STK32B: variants seen among roughly 807,000 people sequenced by gnomAD.
STK32B encodes serine/threonine kinase 32B.
In STK32B, 43 loss-of-function variants were observed where a neutral mutation model predicts 52.6. That is an observed-to-expected ratio of 0.82 (90% confidence interval 0.64 to 1.05). STK32B has a LOEUF of 1.05. Ranked by LOEUF, STK32B falls within the 50% of genes least tolerant of loss-of-function variation. The pLI, the probability that STK32B is intolerant of heterozygous loss-of-function variation, is 0.00. For synonymous variants in STK32B, 238 were observed against 204.3 expected (o/e 1.17, Z -1.41); for missense variants, 621 against 534.6 (o/e 1.16, Z -1.59).
At chr4:5,240,184 T>A (rs1273695923) in intron 3 of STK32B, among the ~76,000 whole-genome samples, 1 of 152,146 alleles carries the variant, frequency 6.6e-6, no homozygotes, top group Non-Finnish European at 1.5e-5. Context: ...TCATGGAATT[T>A]TTTTACTCAT....
At chr4:5,491,144 A>G (rs899119128) in intron 11 of STK32B, among the ~76,000 whole-genome samples, 4 of 152,196 alleles carry the variant, frequency 2.6e-5, no homozygotes, top group African/African-American at 9.7e-5. Context: ...CTGAAGAATC[A>G]CCACACTGAC....
rs1716147048 is a variant in STK32B, at chr4:5,453,040, C to G, written c.667-3767C>G. ...GAACCTACGTTTCTCTACAACCACT[C>G]AAACAGATGACGGCTGAACCTGGTG... On this transcript the variant is annotated intron_variant, in intron 7 of 11. Transcript: ENST00000282908. This position sits in a 1 kb window ranked among gnomAD's most constrained non-coding sequence, Gnocchi z 4.0. Among the ~76,000 whole-genome samples, 1 of 152,110 alleles carries G rather than the reference C, an allele frequency of 6.6e-6. No individual in the cohort carries two copies. The highest frequency in any genetic ancestry group is 1.5e-5 in the Non-Finnish European group (1 of 68,018).
intron 1 of STK32B, among the ~76,000 whole-genome samples, chr4:5,134,498 G>A (rs569243698): frequency 1.3e-5 from 2 of 152,112 alleles, no homozygotes; most frequent in Non-Finnish European, 2.9e-5. Context: ...GGACTTCTTA[G>A]CCTCCAGAAC....
chr4:5,491,235 G>A (rs371718150), intron 11 of STK32B, among the ~76,000 whole-genome samples: 1 of 152,174 alleles, frequency 6.6e-6, no homozygotes, highest in South Asian at 2.1e-4. Context: ...TCCAGCACCT[G>A]TTGTTTCCTG....
intron 4 of STK32B, among the ~76,000 whole-genome samples, chr4:5,331,982 T>C (rs1035832469): frequency 2.8e-4 from 42 of 152,180 alleles, no homozygotes; most frequent in African/African-American, 9.9e-4. Flanking sequence ...AAAGTGATTG[T>C]ATCATTCATA....
intron 4 of STK32B, among the ~76,000 whole-genome samples, chr4:5,376,168 A>G (rs1281927102): frequency 6.6e-6 from 1 of 152,112 alleles, no homozygotes; most frequent in African/African-American, 2.4e-5. Flanking sequence ...GAGCCCAAAA[A>G]TCAGAGTTCC....
chr4:5,438,358 A>T (rs1330644539), intron 6 of STK32B, among the ~76,000 whole-genome samples: 1 of 152,210 alleles, frequency 6.6e-6, no homozygotes, highest in Non-Finnish European at 1.5e-5. Context: ...CACTCATCCG[A>T]TGCTTAATGA....
chr4:5,088,906 T>G (rs1400335296), intron 1 of STK32B, among the ~76,000 whole-genome samples: 1 of 150,918 alleles, frequency 6.6e-6, no homozygotes, highest in Non-Finnish European at 1.5e-5. Context: ...AAGAACAAAC[T>G]AAATCCAACA....
chr4:5,179,867 G>T (rs1428857645), intron 3 of STK32B, among the ~76,000 whole-genome samples: 2 of 152,192 alleles, frequency 1.3e-5, no homozygotes, highest in East Asian at 1.9e-4. Flanking sequence ...TCAGAGCCAC[G>T]AGTCACATTG....
chr4:5,345,820 G>C (rs1733418625), intron 4 of STK32B, among the ~76,000 whole-genome samples: 1 of 152,194 alleles, frequency 6.6e-6, no homozygotes, highest in African/African-American at 2.4e-5. Flanking sequence ...ACGTCACATG[G>C]ATGACTCTCA....
chr4:5,313,242 G>A (rs1730433630), intron 3 of STK32B, among the ~76,000 whole-genome samples: 1 of 151,866 alleles, frequency 6.6e-6, no homozygotes, highest in South Asian at 2.1e-4. Context: ...TTTTAAGGCA[G>A]TCAATGTAAT....
rs766288053 is a variant in STK32B, at chr4:5,139,969, A to G, written c.108+9A>G. ...AAGGGAGTTTTGGAAAGGTAAGAAT[A>G]TAAATGTCTGGACCACTGGGCTTAA... On this transcript the variant is annotated intron_variant, in intron 2 of 11. Coordinates refer to ENST00000282908, the MANE Select transcript of STK32B (RefSeq NM_018401.3). The G allele has an allele frequency of 3.1e-6, 5 of 1,614,078 alleles. No homozygotes were observed. The highest frequency in any genetic ancestry group is 4.2e-6 in the Non-Finnish European group (5 of 1,180,032).
chr4:5,477,405 G>A (rs1443174811), intron 11 of STK32B, among the ~76,000 whole-genome samples: 1 of 152,104 alleles, frequency 6.6e-6, no homozygotes, highest in East Asian at 1.9e-4. Context: ...ACCCTCAAAT[G>A]CCTCATTTTC....
chr4:5,464,083 C>T (rs141692148), intron 9 of STK32B, among the ~76,000 whole-genome samples: 1 of 152,222 alleles, frequency 6.6e-6, no homozygotes, highest in East Asian at 1.9e-4. Context: ...AGGTGTGTCA[C>T]GTGGCAGGAG....
intron 9 of STK32B, among the ~76,000 whole-genome samples, chr4:5,464,980 G>A (rs979540766): frequency 6.6e-6 from 1 of 152,156 alleles, no homozygotes; most frequent in Non-Finnish European, 1.5e-5. Context: ...TGAAATCAGG[G>A]AAGGTGATCA....
At chr4:5,045,213 C>T in the STK32B span, among the ~76,000 whole-genome samples, 1 of 152,258 alleles carries the variant, frequency 6.6e-6, no homozygotes, top group Non-Finnish European at 1.5e-5. Context: ...TGAGCGGGCT[C>T]TGTACCTCTC....
At chr4:5,139,511 A>G (rs932502104) in intron 1 of STK32B, 6 of 195,382 alleles carry the variant, frequency 3.1e-5, no homozygotes, top group Non-Finnish European at 6.4e-5. Flanking sequence ...TGAAGCATGA[A>G]GGGGAGAATT....
intron 3 of STK32B, among the ~76,000 whole-genome samples, chr4:5,184,934 G>A (rs556410316): frequency 3.5e-4 from 54 of 152,310 alleles, no homozygotes; most frequent in South Asian, 1.0e-3. Context: ...AAAATGAGGC[G>A]TGCCTGTGTT....
intron 7 of STK32B, among the ~76,000 whole-genome samples, chr4:5,452,466 A>G (rs1716093292): frequency 6.6e-6 from 1 of 152,110 alleles, no homozygotes. Flanking sequence ...TCTCCATTCA[A>G]AGGAGGAGGA....
Sources: gnomAD v4.1 joint callset for allele counts (sites outside exome capture counted in the v4.1 genomes callset) on GRCh38, gnomAD v4.1.1 for gene constraint, Gnocchi (gnomAD v3.1) non-coding constraint, MANE v1.5 for transcripts, NCBI Gene and HGNC (gene_info 2026-07-23, HGNC 2026-07-21) for gene names.